CASC3: variants seen among roughly 807,000 people sequenced by gnomAD.
CASC3 encodes the protein CASC3 exon junction complex subunit.
CASC3 carries 30 observed loss-of-function variants against 80.5 expected under a neutral mutation model. The observed-to-expected ratio is 0.37, with a 90% confidence interval of 0.28 to 0.51. The LOEUF (loss-of-function observed/expected upper bound fraction) is 0.51, where lower values mean the gene tolerates loss of function less well. CASC3 is among the 20% of genes least tolerant of loss of function. CASC3 has a pLI of 0.94. For synonymous variants in CASC3, 312 were observed against 333.6 expected (o/e 0.94, Z 0.70); for missense variants, 824 against 922.2 (o/e 0.89, Z 1.38).
At position 40,162,168 on chromosome 17, in the gene CASC3, C is replaced by G; in HGVS notation, c.608+15C>G. On this transcript the variant is annotated intron_variant, in intron 5 of 13. Coordinates refer to ENST00000264645, the MANE Select transcript of CASC3 (RefSeq NM_007359.5). ...GAGGAAGTCAGGTAAAAGCCACTTG[C>G]TGCTGCTGCTGTCTAACATGTATTT... 1 of 1,598,766 alleles carries G rather than the reference C, an allele frequency of 6.3e-7. No homozygotes were observed. Among genetic ancestry groups the G allele is most frequent in the Non-Finnish European group, 8.5e-7 (1 of 1,172,004 alleles).
chr17:40,140,600 T>C lies in CASC3; in HGVS notation c.52T>C (p.Ser18Pro). The change falls in exon 1 of 14, where the codon TCT becomes CCT. Residue 18 changes from serine to proline, a missense_variant. Around this residue, in one of 3 missense-constraint regions of CASC3, gnomAD observed 159 missense variants for 122.2 expected, o/e 1.30. Coordinates refer to ENST00000264645, the MANE Select transcript of CASC3 (RefSeq NM_007359.5). Reference sequence around the variant, plus strand: ...TTCGCAAGACACCGAGGACGAGGAATCTGGTGCTTCGGGCTCCGACAGCGG... The same window carrying C: ...TTCGCAAGACACCGAGGACGAGGAACCTGGTGCTTCGGGCTCCGACAGCGG... ...RASQDTEDEE[S>P]GASGSDSGGS... 2.5e-6 allele frequency: 4 copies of C among 1,610,396 alleles called. No individual in the cohort carries two copies. Among genetic ancestry groups the C allele is most frequent in the Non-Finnish European group, 3.4e-6 (4 of 1,179,366 alleles).
intron 10 of CASC3, 78 bp from the exon 11 acceptor site, chr17:40,168,125 A>G (rs1000859670): frequency 1.4e-6 from 2 of 1,399,556 alleles, no homozygotes; most frequent in African/African-American, 1.4e-5. Context: ...GAGCCTGATT[A>G]TACTGAGCAG....
chr17:40,163,331 C>G (rs187690255), intron 6 of CASC3, 150 bp from the exon 7 acceptor site: 1 of 640,040 alleles, frequency 1.6e-6, no homozygotes, highest in African/African-American at 1.8e-5. Flanking sequence ...AATGAGGTTT[C>G]GCTATGTTGG....
intron 7 of CASC3, among the ~76,000 whole-genome samples, chr17:40,166,373 C>G (rs1336130855): frequency 1.3e-5 from 2 of 152,292 alleles, no homozygotes; most frequent in Admixed American, 6.5e-5. Flanking sequence ...AACCCAGACC[C>G]CTGTGAATGG....
chr17:40,162,218 A>G, intron 5 of CASC3, 65 bp downstream of exon 5: 1 of 1,458,506 alleles, frequency 6.9e-7, no homozygotes, highest in Non-Finnish European at 9.3e-7. Flanking sequence ...AGGTACTTCG[A>G]TTTGCCTGTA....
intron 3 of CASC3, among the ~76,000 whole-genome samples, chr17:40,144,212 T>C (rs1988794045): frequency 6.6e-6 from 1 of 152,042 alleles, no homozygotes; most frequent in Admixed American, 6.6e-5. Context: ...TGAGCCAAGA[T>C]TGTGCCATTG....
chr17:40,153,514 C>T (rs965289133), intron 3 of CASC3, among the ~76,000 whole-genome samples: 8 of 151,998 alleles, frequency 5.3e-5, no homozygotes, highest in African/African-American at 1.5e-4. Context: ...GACTATGTAC[C>T]TAGGAATGGA....
At chr17:40,141,732 T>G (rs75957101) in intron 3 of CASC3, 125 bp downstream of exon 3, 24,428 of 813,764 alleles carry the variant, frequency 0.03, 516 homozygotes, top group Non-Finnish European at 0.039. Context: ...TCATTTATGC[T>G]TCTGAAAAAG....
Position 40,161,880 on chromosome 17 carries a change from T to G in CASC3, c.425T>G (p.Val142Gly). Residue 142 changes from valine to glycine, a missense_variant, in exon 4 of 14, where the codon GTG becomes GGG. By Grantham distance (109) the Val-to-Gly change is moderately radical. Coordinates refer to ENST00000264645, the MANE Select transcript of CASC3 (RefSeq NM_007359.5). ...GEEKPDTKST[V>G]TGERQSGDGQ... ...GAAAAGCCTGACACCAAAAGCACTG[T>G]GACTGGAGAGAGGCAAAGTGGGGAC... 6.2e-7 allele frequency: 1 copy of G among 1,614,112 alleles called. No individual in the cohort carries two copies. The highest frequency in any genetic ancestry group is 8.5e-7 in the Non-Finnish European group (1 of 1,180,026).
chr17:40,162,669 C>T, intron 5 of CASC3, 56 bp from the exon 6 acceptor site: 3 of 1,567,184 alleles, frequency 1.9e-6, no homozygotes, highest in African/African-American at 1.4e-5. Context: ...TGTTCAAGAA[C>T]ATCTCTACTT....
intron 3 of CASC3, among the ~76,000 whole-genome samples, chr17:40,155,113 T>C (rs1989113151): frequency 1.3e-5 from 2 of 151,788 alleles, no homozygotes; most frequent in African/African-American, 2.4e-5. Flanking sequence ...ATGATCTCGA[T>C]CTCCTGACCT....
chr17:40,149,112 G>A (rs1011349412), intron 3 of CASC3, among the ~76,000 whole-genome samples: 1 of 151,816 alleles, frequency 6.6e-6, no homozygotes, highest in African/African-American at 2.4e-5. Flanking sequence ...CTGGTCTCAG[G>A]TGATCCACCC....
In CASC3 at chr17:40,169,584, CTTTGTT is replaced by C. The variant is rs1651885887; in HGVS notation, c.2089-13_2089-8del. 6.3e-7 allele frequency: 1 copy of C among 1,591,798 alleles called. No homozygotes were observed. The highest frequency in any genetic ancestry group is 2.2e-5 in the East Asian group (1 of 44,584). ...GTTATGACCTGATAACAAATTCCAA[CTTTGTT>C]ATTTCAGGTTGTAAGCAGGGGTTCC... On this transcript the variant is annotated splice_polypyrimidine_tract_variant and splice_region_variant and intron_variant, in intron 12 of 13. Transcript: ENST00000264645.
At chr17:40,145,778 A>G (rs1167002677) in intron 3 of CASC3, among the ~76,000 whole-genome samples, 1 of 151,628 alleles carries the variant, frequency 6.6e-6, no homozygotes, top group African/African-American at 2.4e-5. Context: ...ATTTTTATTT[A>G]CTGTTTTTTG....
At chr17:40,166,159 C>T (rs1338833767) in intron 7 of CASC3, among the ~76,000 whole-genome samples, 1 of 152,130 alleles carries the variant, frequency 6.6e-6, no homozygotes, top group African/African-American at 2.4e-5. Flanking sequence ...TAAGACCTAC[C>T]TATTACCCAT....
At position 40,170,762 on chromosome 17, in the gene CASC3, G is replaced by C. The variant is rs1989573289; in HGVS notation, c.*357G>C. ...TGAAGTGTCTTCTGTTCCCAAGGAA[G>C]CTCCTTCCTGTTTGTTTTGTTTTCT... On this transcript the variant is annotated 3_prime_UTR_variant, in exon 14 of 14. Transcript: ENST00000264645. The C allele has an allele frequency of 8.1e-6, 8 of 985,516 alleles. No individual in the cohort carries two copies. Among genetic ancestry groups the C allele is most frequent in the Non-Finnish European group, 8.4e-6 (7 of 829,900 alleles). The allele number at this position is 985,516 out of a possible 1,614,324, so 61.0% of individuals were successfully genotyped here.
In CASC3 at chr17:40,163,008, G is replaced by A. The variant is rs1989343648; in HGVS notation, c.785+107G>A. 2.1e-5 allele frequency: 20 copies of A among 935,772 alleles called. No homozygotes were observed. In the South Asian group the frequency reaches 3.1e-4, roughly 14 times the overall value. 58.0% of individuals were successfully genotyped at this position (935,772 alleles called of 1,614,324 possible). A position where few individuals can be genotyped will look rare whatever the true frequency, so the allele number is the denominator to read the frequency against. On this transcript the variant is annotated intron_variant, in intron 6 of 13. Coordinates refer to ENST00000264645, the MANE Select transcript of CASC3 (RefSeq NM_007359.5). ...GGCTGAGGCAGGAGGATTGCTTGAG[G>A]CCAGGAGTTCAAGACCAGCCTGGGG...
intron 3 of CASC3, among the ~76,000 whole-genome samples, chr17:40,158,913 A>G (rs1298421325): frequency 6.6e-6 from 1 of 152,104 alleles, no homozygotes; most frequent in African/African-American, 2.4e-5. Flanking sequence ...GGATAAGTGC[A>G]TTGGGAAATC....
intron 13 of CASC3, among the ~76,000 whole-genome samples, chr17:40,169,863 C>A (rs1989553420): frequency 7.2e-6 from 1 of 138,918 alleles, no homozygotes; most frequent in African/African-American, 2.7e-5. Flanking sequence ...TCAAGCGATT[C>A]TCTTGCCTCA....
Sources: gnomAD v4.1 joint callset for allele counts (sites outside exome capture counted in the v4.1 genomes callset) on GRCh38, gnomAD v4.1.1 for gene constraint, gnomAD v4.1.1 regional missense constraint, MANE v1.5 for transcripts, NCBI Gene and HGNC (gene_info 2026-07-23, HGNC 2026-07-21) for gene names.